The following CUL2 variants were observed in gnomAD, a reference collection of about 807,000 sequenced individuals.
CUL2 encodes the protein cullin-2.
In CUL2, 22 loss-of-function variants were observed where a neutral mutation model predicts 110.2. The observed-to-expected ratio is 0.20, with a 90% CI of 0.14 to 0.28. The LOEUF (loss-of-function observed/expected upper bound fraction) is 0.28, where lower values mean the gene tolerates loss of function less well. CUL2 is among the 10% of genes least tolerant of loss of function. The pLI is 1.00. For missense variants in CUL2, 631 were observed against 905.5 expected (o/e 0.70, Z 3.89); for synonymous variants, 279 against 293.2 (o/e 0.95, Z 0.49).
chr10:35,077,185 T>G (rs1382578846), intron 1 of CUL2, among the ~76,000 whole-genome samples: 1 of 151,928 alleles, frequency 6.6e-6, no homozygotes, highest in Non-Finnish European at 1.5e-5. Context: ...GAAGTACTGA[T>G]ACACACTATC....
intron 1 of CUL2, among the ~76,000 whole-genome samples, chr10:35,124,515 CTGCCT>C (rs1214739900): frequency 6.6e-6 from 1 of 152,020 alleles, no homozygotes; most frequent in Admixed American, 6.6e-5. Context: ...AATACAACCC[CTGCCT>C]TGCCTTCTTC....
At chr10:35,027,799 G>A (rs2085373725) in intron 16 of CUL2, among the ~76,000 whole-genome samples, 1 of 152,116 alleles carries the variant, frequency 6.6e-6, no homozygotes, top group South Asian at 2.1e-4. Flanking sequence ...TTCAAATGGA[G>A]AGAATAGTAT....
chr10:35,103,286 C>T (rs1050170042), intron 1 of CUL2, among the ~76,000 whole-genome samples: 1 of 147,028 alleles, frequency 6.8e-6, no homozygotes, highest in Non-Finnish European at 1.5e-5. Context: ...GGGACACAGG[C>T]GCCCGCCACC....
intron 1 of CUL2, among the ~76,000 whole-genome samples, chr10:35,101,859 A>G (rs969834815): frequency 2.6e-5 from 4 of 152,332 alleles, no homozygotes; most frequent in African/African-American, 9.6e-5. Context: ...ATGGTTTCTA[A>G]TTAGAGGGAG....
At position 35,043,006 on chromosome 10, in the gene CUL2, G is replaced by A. The variant is rs115941290; in HGVS notation, c.714+1560C>T. 2.8e-3 allele frequency among the ~76,000 whole-genome samples: 426 copies of A among 152,046 alleles called. 6 individuals are homozygous for A. Among genetic ancestry groups the A allele is most frequent in the African/African-American group, 0.01 (415 of 41,420 alleles). On this transcript the variant is annotated intron_variant, in intron 8 of 20. Transcript: ENST00000374749. ...GACACCTAGCTGGTGTCTGCTGCTTGGTGTGTGGGAGAAGAGAGCCACACC... is the reference window on the plus strand; with the variant it reads ...GACACCTAGCTGGTGTCTGCTGCTTAGTGTGTGGGAGAAGAGAGCCACACC...
intron 1 of CUL2, among the ~76,000 whole-genome samples, chr10:35,085,425 G>A (rs982657500): frequency 1.6e-4 from 24 of 149,286 alleles, no homozygotes; most frequent in African/African-American, 2.8e-4. Flanking sequence ...GCGAGACACC[G>A]TCCCAAAAAA....
chr10:35,043,176 T>C (rs1021381796), intron 8 of CUL2, among the ~76,000 whole-genome samples: 4 of 152,156 alleles, frequency 2.6e-5, no homozygotes, highest in African/African-American at 4.8e-5. Context: ...TTCTTTCAAC[T>C]TCTAACAGAC....
chr10:35,054,389 A>G (rs2086192413), intron 5 of CUL2, 45 bp downstream of exon 5: 1 of 1,073,374 alleles, frequency 9.3e-7, no homozygotes, highest in African/African-American at 1.6e-5. Flanking sequence ...ACCTCAGTGT[A>G]TAAAAACATA....
At position 35,071,193 on chromosome 10, in the gene CUL2, G is replaced by C. The variant is rs777629207; in HGVS notation, c.119+6C>G. 25 of 1,611,992 alleles carry C rather than the reference G, an allele frequency of 1.6e-5. No individual in the cohort carries two copies. The highest frequency in any genetic ancestry group is 2.2e-5 in the South Asian group (2 of 90,760). On this transcript the variant is annotated splice_donor_region_variant and intron_variant, in intron 2 of 20. Transcript: ENST00000374749. ...AACATTGATCAAGCTGCCATTAAAA[G>C]GATACGAGAAACGGTCATTCCATGT...
At position 35,008,842 on chromosome 10, in the gene CUL2, G is replaced by GT. The variant is rs1373133008; in HGVS notation, c.*1468dup. On this transcript the variant is annotated 3_prime_UTR_variant, in exon 21 of 21. Coordinates refer to ENST00000374749, the MANE Select transcript of CUL2 (RefSeq NM_003591.4). ...TAAGTAATTATTGTTTTTGTTAGGA[G>GT]TAATAATATCACTGTGGATTTTTTA... is the stretch of plus-strand genomic sequence containing the variant. The GT allele has an allele frequency of 3.9e-5, 6 of 152,140 alleles. No individual in the cohort carries two copies. Among genetic ancestry groups the GT allele is most frequent in the African/African-American group, 1.4e-4 (6 of 41,444 alleles). 9.4% of individuals were successfully genotyped at this position (152,140 alleles called of 1,614,324 possible).
chr10:35,027,626 T>C (rs913794637), intron 16 of CUL2, among the ~76,000 whole-genome samples: 3 of 152,198 alleles, frequency 2.0e-5, no homozygotes, highest in African/African-American at 4.8e-5. Context: ...AAGATTAAGA[T>C]GTAAAAAATG....
In CUL2 at chr10:35,009,201, T is replaced by TATTATATATATA. The variant is rs1554851929; in HGVS notation, c.*1109_*1110insTATATATATAAT. 7.3e-6 allele frequency: 1 copy of TATTATATATATA among 137,896 alleles called. No homozygotes were observed. Among genetic ancestry groups the TATTATATATATA allele is most frequent in the African/African-American group, 2.7e-5 (1 of 37,358 alleles). 8.5% of individuals were successfully genotyped at this position (137,896 alleles called of 1,614,324 possible). A position where few individuals can be genotyped will look rare whatever the true frequency, so the allele number is the denominator to read the frequency against. On this transcript the variant is annotated 3_prime_UTR_variant, in exon 21 of 21. Transcript: ENST00000374749. The stretch of plus-strand genomic sequence containing the variant: ...CTGTTGAGATATATATATATATATA[T>TATTATATATATA]TATATATATATATATATATAAAATA...
chr10:35,102,484 A>T (rs2087395037), intron 1 of CUL2, among the ~76,000 whole-genome samples: 1 of 151,994 alleles, frequency 6.6e-6, no homozygotes, highest in Non-Finnish European at 1.5e-5. Flanking sequence ...AGGCATGAGA[A>T]TCACTGGAAC....
intron 3 of CUL2, 75 bp downstream of exon 3, chr10:35,062,885 C>T (rs1691617673): frequency 6.9e-6 from 6 of 863,648 alleles, no homozygotes; most frequent in Non-Finnish European, 9.3e-6. Context: ...GATAAAAGTT[C>T]TACACTGGAA....
intron 1 of CUL2, among the ~76,000 whole-genome samples, chr10:35,080,673 C>A (rs2086925771): frequency 6.6e-6 from 1 of 151,972 alleles, no homozygotes; most frequent in Admixed American, 6.6e-5. Context: ...CCAGGCTGGT[C>A]TTGAACTCCT....
chr10:35,065,875 C>A (rs1314636939), intron 2 of CUL2, among the ~76,000 whole-genome samples: 2 of 151,952 alleles, frequency 1.3e-5, no homozygotes, highest in African/African-American at 4.8e-5. Flanking sequence ...AAAAAAAACA[C>A]AAAATAACTA....
intron 18 of CUL2, among the ~76,000 whole-genome samples, chr10:35,015,982 C>CA (rs1431222190): frequency 6.6e-6 from 1 of 152,148 alleles, no homozygotes; most frequent in Non-Finnish European, 1.5e-5. Context: ...CAAATAAAAT[C>CA]AAACTATAAA....
chr10:35,034,076 C>G (rs114940181), intron 10 of CUL2, among the ~76,000 whole-genome samples: 1 of 152,152 alleles, frequency 6.6e-6, no homozygotes. Flanking sequence ...CCTAATAGTA[C>G]AAAAGTGAGT....
Position 35,029,704 on chromosome 10 carries a change from A to G in CUL2, c.1387-64T>C. ...AAAATAATAAGTCATATTGGTTAAT[A>G]ATAATGTGTCGGTATTGCTAGGTCT... On this transcript the variant is annotated intron_variant, in intron 14 of 20. Coordinates refer to ENST00000374749, the MANE Select transcript of CUL2 (RefSeq NM_003591.4). The G allele has an allele frequency of 5.6e-6, 7 of 1,252,030 alleles. No individual in the cohort carries two copies. In the South Asian group the frequency reaches 1.0e-4, roughly 18 times the overall value. 77.6% of individuals were successfully genotyped at this position (1,252,030 alleles called of 1,614,324 possible).
Sources: allele counts gnomAD v4.1 joint callset (sites outside exome capture counted in the v4.1 genomes callset), GRCh38; gene constraint gnomAD v4.1.1; transcripts MANE v1.5; gene names NCBI Gene and HGNC (gene_info 2026-07-23, HGNC 2026-07-21).